SCNN1A: variants seen among roughly 807,000 people sequenced by gnomAD.
The protein encoded by SCNN1A is sodium channel epithelial 1 subunit alpha.
In SCNN1A, 65 loss-of-function variants were observed where a neutral mutation model predicts 68.6. The observed-to-expected ratio is 0.95, with a 90% CI of 0.78 to 1.16. SCNN1A has a LOEUF of 1.16. Ranked by LOEUF, SCNN1A falls within the 50% of genes most tolerant of loss-of-function variation. SCNN1A has a pLI of 0.00. For synonymous variants in SCNN1A, 357 were observed against 353.3 expected, an observed-to-expected ratio of 1.01 and a Z score of -0.12; for missense variants, 880 against 865.9, an observed-to-expected ratio of 1.02 and a Z score of -0.20.
Position 6,363,450 on chromosome 12 carries a change from A to AC in SCNN1A, c.676_677insG (p.Phe226CysfsTer85). 6.3e-7 allele frequency: 1 copy of AC among 1,586,138 alleles called. No individual in the cohort carries two copies. The highest frequency in any genetic ancestry group is 1.1e-5 in the South Asian group (1 of 87,326). On this transcript the variant is annotated frameshift_variant, in exon 3 of 13. Transcript: ENST00000228916. LOFTEE classifies it high-confidence loss of function. Reference sequence around the variant, plus strand: ...CGGCGCTGCGGGCCTCACCAGCTGGAAGCCGATCTTCCAGTCCTTCCAGTC... The same window carrying AC: ...CGGCGCTGCGGGCCTCACCAGCTGGACAGCCGATCTTCCAGTCCTTCCAGTC...
intron 3 of SCNN1A, among the ~76,000 whole-genome samples, chr12:6,362,470 G>C (rs1948596494): frequency 6.6e-6 from 1 of 152,146 alleles, no homozygotes; most frequent in African/African-American, 2.4e-5. Context: ...ACCAGTAGCT[G>C]CACACACACG....
In SCNN1A at chr12:6,374,298, G is replaced by C; in HGVS notation, c.416+70C>G. On this transcript the variant is annotated intron_variant, in intron 2 of 12. Transcript: ENST00000228916. The surrounding 1 kb of genome is among the most constrained non-coding windows in gnomAD (Gnocchi z 6.2). The stretch of plus-strand genomic sequence containing the variant: ...AGGTCTGAGGCTCTGCCTGCCCAGT[G>C]AGCACCTCAGCACCCTGGACCACCC... 6.5e-7 allele frequency: 1 copy of C among 1,530,890 alleles called. No individual in the cohort carries two copies. Among genetic ancestry groups the C allele is most frequent in the Non-Finnish European group, 8.9e-7 (1 of 1,119,102 alleles). The allele number at this position is 1,530,890 out of a possible 1,614,324, so 94.8% of individuals were successfully genotyped here.
chr12:6,354,853 G>A lies in SCNN1A; in HGVS notation c.1144-5C>T. ...CCCAAGTCTGTCCAGGGTTTCCTATGAACCCACATACACCAAGAGATCAGA... is the reference window on the plus strand; with the variant it reads ...CCCAAGTCTGTCCAGGGTTTCCTATAAACCCACATACACCAAGAGATCAGA... On this transcript the variant is annotated splice_polypyrimidine_tract_variant and splice_region_variant and intron_variant, in intron 6 of 12. Transcript: ENST00000228916. 1 of 1,610,426 alleles carries A rather than the reference G, an allele frequency of 6.2e-7. No homozygotes were observed. Among genetic ancestry groups the A allele is most frequent in the South Asian group, 1.1e-5 (1 of 90,976 alleles).
chr12:6,364,812 C>A (rs1948648629), intron 2 of SCNN1A, among the ~76,000 whole-genome samples: 1 of 151,824 alleles, frequency 6.6e-6, no homozygotes, highest in Non-Finnish European at 1.5e-5. Flanking sequence ...AAATTAATTG[C>A]ATTTCTACAT....
chr12:6,365,190 A>G (rs986107531), intron 2 of SCNN1A, among the ~76,000 whole-genome samples: 3 of 151,874 alleles, frequency 2.0e-5, no homozygotes, highest in Non-Finnish European at 1.5e-5. Context: ...GCTAATTTTT[A>G]TATTTTTTGT....
intron 8 of SCNN1A, among the ~76,000 whole-genome samples, chr12:6,352,827 C>T (rs1488219371): frequency 5.3e-5 from 8 of 152,256 alleles, no homozygotes; most frequent in African/African-American, 1.2e-4. Flanking sequence ...AAAGTCACCA[C>T]AGACAGGAAC....
upstream of SCNN1A, chr12:6,376,225 CCCT>C: frequency 3.1e-6 from 3 of 981,170 alleles, no homozygotes; most frequent in Non-Finnish European, 3.6e-6. Flanking sequence ...TCCTCCTGGT[CCCT>C]CCTCTTTCCT....
intron 2 of SCNN1A, among the ~76,000 whole-genome samples, chr12:6,370,482 T>G (rs1948769908): frequency 6.6e-6 from 1 of 152,172 alleles, no homozygotes; most frequent in Non-Finnish European, 1.5e-5. Flanking sequence ...CCCTCCCTCT[T>G]ACCCCGGTGG....
chr12:6,364,145 C>T (rs1330895066), intron 2 of SCNN1A: 1 of 157,762 alleles, frequency 6.3e-6, no homozygotes, highest in African/African-American at 2.4e-5. Context: ...GCTTGAGTGC[C>T]GCTTGGCACC....
rs1184924538 is a variant in SCNN1A, at chr12:6,372,397, C to T, written c.416+1971G>A. 6.6e-6 allele frequency among the ~76,000 whole-genome samples: 1 copy of T among 152,138 alleles called. No individual in the cohort carries two copies. Among genetic ancestry groups the T allele is most frequent in the South Asian group, 2.1e-4 (1 of 4,832 alleles). On this transcript the variant is annotated intron_variant, in intron 2 of 12. Transcript: ENST00000228916. This position sits in a 1 kb window ranked among gnomAD's most constrained non-coding sequence, Gnocchi z 5.8. ...CCCGCTGTGCTGGGGAGCCCTTCCC[C>T]GACTCCTCTCCTCTCCTAGGTGTTC...
intron 2 of SCNN1A, among the ~76,000 whole-genome samples, chr12:6,369,372 T>G (rs1948744104): frequency 6.9e-6 from 1 of 145,874 alleles, no homozygotes. Context: ...CGCGCCTCCC[T>G]CCTGCCTGGC....
chr12:6,356,524 G>A (rs115342022), intron 4 of SCNN1A: 2,977 of 165,634 alleles, frequency 0.018, 89 homozygotes, highest in African/African-American at 0.062. Flanking sequence ...TGGTGAGCAC[G>A]GAGCTGAGGG....
intron 4 of SCNN1A, among the ~76,000 whole-genome samples, chr12:6,357,012 C>T (rs1333382672): frequency 1.3e-5 from 2 of 152,124 alleles, no homozygotes; most frequent in East Asian, 1.9e-4. Flanking sequence ...CGGGATATTC[C>T]ACTGGCCTTG....
At chr12:6,371,229 T>A (rs1031808411) in intron 2 of SCNN1A, among the ~76,000 whole-genome samples, 119 of 150,742 alleles carry the variant, frequency 7.9e-4, no homozygotes, top group Non-Finnish European at 8.6e-4. Flanking sequence ...TCGGTAGGAG[T>A]CATTCACTGC....
chr12:6,374,221 A>G lies in SCNN1A; in HGVS notation c.416+147T>C. ...CAGTCCAGTAAGCTGGAGGCTCCTCATTTTGCCAGCAGTGAGCTCTACCTG... is the reference window on the plus strand; with the variant it reads ...CAGTCCAGTAAGCTGGAGGCTCCTCGTTTTGCCAGCAGTGAGCTCTACCTG... On this transcript the variant is annotated intron_variant, in intron 2 of 12. Coordinates refer to ENST00000228916, the MANE Select transcript of SCNN1A (RefSeq NM_001038.6). The surrounding 1 kb of genome is among the most constrained non-coding windows in gnomAD (Gnocchi z 6.2). 1 of 886,736 alleles carries G rather than the reference A, an allele frequency of 1.1e-6. No individual in the cohort carries two copies. Among genetic ancestry groups the G allele is most frequent in the Non-Finnish European group, 1.7e-6 (1 of 581,680 alleles). The allele number at this position is 886,736 out of a possible 1,614,324, so 54.9% of individuals were successfully genotyped here. A position where few individuals can be genotyped will look rare whatever the true frequency, so the allele number is the denominator to read the frequency against.
intron 2 of SCNN1A, 93 bp from the exon 3 acceptor site, chr12:6,363,803 G>GCCGGT: frequency 7.8e-7 from 1 of 1,289,272 alleles, no homozygotes; most frequent in Non-Finnish European, 1.0e-6. Context: ...GCCCCGGGAG[G>GCCGGT]CCGGTCCATC....
chr12:6,375,372 C>T, intron 1 of SCNN1A, 133 bp downstream of exon 1: 1 of 1,466,884 alleles, frequency 6.8e-7, no homozygotes, highest in Non-Finnish European at 9.0e-7. Context: ...TGTCCTGATT[C>T]TGTCTCTGCC....
rs1311657868 is a variant in SCNN1A at position 6,372,876 on chromosome 12, CAG to C, written c.416+1490_416+1491del. ...CCACATCTTGGGTATTAAAAAGAGG[CAG>C]AGTTTTGGGATTAGGCGTAAACAGG... is the stretch of plus-strand genomic sequence containing the variant. On this transcript the variant is annotated intron_variant, in intron 2 of 12. Coordinates refer to ENST00000228916, the MANE Select transcript of SCNN1A (RefSeq NM_001038.6). The surrounding 1 kb of genome is among the most constrained non-coding windows in gnomAD (Gnocchi z 5.8). Among the ~76,000 whole-genome samples, 2 of 152,162 alleles carry C rather than the reference CAG, an allele frequency of 1.3e-5. No individual in the cohort carries two copies. Among genetic ancestry groups the C allele is most frequent in the African/African-American group, 2.4e-5 (1 of 41,428 alleles).
chr12:6,349,788 G>A (rs1343224464), intron 8 of SCNN1A: 10 of 220,672 alleles, frequency 4.5e-5, no homozygotes, highest in Non-Finnish European at 7.4e-5. Context: ...GTGCAGTGGC[G>A]CAATCTTGGC....
Sources: allele counts gnomAD v4.1 joint callset (sites outside exome capture counted in the v4.1 genomes callset), GRCh38; gene constraint gnomAD v4.1.1; non-coding constraint Gnocchi (gnomAD v3.1); transcripts MANE v1.5; gene names NCBI Gene and HGNC (gene_info 2026-07-23, HGNC 2026-07-21).